Variants in CFAP77 observed in about 807,000 individuals in gnomAD.
CFAP77 encodes cilia and flagella associated protein 77.
Under a neutral mutation model 31.1 loss-of-function variants are expected in CFAP77, and 25 were observed. The observed-to-expected ratio is 0.80, with a 90% CI of 0.59 to 1.12. CFAP77 has a LOEUF of 1.12. Ranked by LOEUF, CFAP77 falls within the 50% of genes most tolerant of loss-of-function variation. The pLI, the probability that CFAP77 is intolerant of heterozygous loss-of-function variation, is 0.00. For missense variants in CFAP77, 377 were observed against 397.3 expected, an observed-to-expected ratio of 0.95 and a Z score of 0.44; for synonymous variants, 151 against 159.9, an observed-to-expected ratio of 0.94 and a Z score of 0.42.
rs953230404 is a variant in CFAP77 at position 132,517,554 on chromosome 9, C to G, written c.524+17954C>G. ...AGTTTGTCAGACCCAAGTCTCCCTT[C>G]TGAAACACCTTTCAACAAATGTGTA... is the stretch of plus-strand genomic sequence containing the variant. On this transcript the variant is annotated intron_variant, in intron 3 of 5. Transcript: ENST00000393216. This position sits in a 1 kb window ranked among gnomAD's most constrained non-coding sequence, Gnocchi z 4.7. 2.0e-5 allele frequency among the ~76,000 whole-genome samples: 3 copies of G among 152,366 alleles called. No homozygotes were observed. The highest frequency in any genetic ancestry group is 7.2e-5 in the African/African-American group (3 of 41,598).
chr9:132,427,583 C>G (rs887951461), intron 1 of CFAP77, among the ~76,000 whole-genome samples: 3 of 152,116 alleles, frequency 2.0e-5, no homozygotes, highest in Non-Finnish European at 4.4e-5. Flanking sequence ...CAACTGCACT[C>G]CAGCCTGAGC....
intron 3 of CFAP77, among the ~76,000 whole-genome samples, chr9:132,516,608 C>CACAT (rs1852151838): frequency 6.6e-6 from 1 of 151,902 alleles, no homozygotes; most frequent in African/African-American, 2.4e-5. Context: ...CACACACACA[C>CACAT]ACACACACAC....
chr9:132,524,837 A>G (rs965467586), intron 3 of CFAP77, among the ~76,000 whole-genome samples: 3 of 146,196 alleles, frequency 2.1e-5, no homozygotes, highest in African/African-American at 7.5e-5. Context: ...TTTAGTAGAG[A>G]CGGGGTTTCA....
chr9:132,450,313 G>A (rs1850804652), intron 1 of CFAP77, among the ~76,000 whole-genome samples: 1 of 152,056 alleles, frequency 6.6e-6, no homozygotes, highest in Admixed American at 6.5e-5. Flanking sequence ...CAGGGAAACA[G>A]GGAGAAGGAT....
At chr9:132,414,917 A>G (rs141557357) in intron 1 of CFAP77, among the ~76,000 whole-genome samples, 113 of 152,308 alleles carry the variant, frequency 7.4e-4, no homozygotes, top group African/African-American at 2.6e-3. Flanking sequence ...TAACATCTCT[A>G]ATAAATATTG....
At chr9:132,569,169 C>G (rs1348570851) in intron 5 of CFAP77, among the ~76,000 whole-genome samples, 1 of 152,088 alleles carries the variant, frequency 6.6e-6, no homozygotes, top group East Asian at 1.9e-4. Flanking sequence ...TTTGGGAGGC[C>G]AAGGGAGGAG....
chr9:132,454,731 C>A (rs908044077), intron 1 of CFAP77, among the ~76,000 whole-genome samples: 4 of 152,198 alleles, frequency 2.6e-5, no homozygotes, highest in Non-Finnish European at 5.9e-5. Flanking sequence ...AGAAGGCAGA[C>A]ATACCTATAA....
At chr9:132,474,059 G>A (rs943158363) in intron 1 of CFAP77, among the ~76,000 whole-genome samples, 4 of 152,158 alleles carry the variant, frequency 2.6e-5, no homozygotes, top group Non-Finnish European at 4.4e-5. Flanking sequence ...TCTATTTGCC[G>A]GCCCTAGAGA....
At chr9:132,411,523 C>A (rs1173075007) in intron 1 of CFAP77, among the ~76,000 whole-genome samples, 1 of 152,212 alleles carries the variant, frequency 6.6e-6, no homozygotes, top group Non-Finnish European at 1.5e-5. Context: ...TAGGCGCAGG[C>A]TGCACCTGGG....
Position 132,499,812 on chromosome 9 carries a change from G to A in CFAP77, c.524+212G>A, listed in dbSNP as rs370609332. ...TTATAGCAGGGTACCCTGTAGGGCT[G>A]TGCACAGGTCACCCACTTTCCCTTG... On this transcript the variant is annotated intron_variant, in intron 3 of 5. Transcript: ENST00000393216. The surrounding 1 kb of genome is among the most constrained non-coding windows in gnomAD (Gnocchi z 5.4). Among the ~76,000 whole-genome samples the A allele has an allele frequency of 1.3e-5, 2 of 152,142 alleles. No individual in the cohort carries two copies. Among genetic ancestry groups the A allele is most frequent in the Non-Finnish European group, 2.9e-5 (2 of 68,024 alleles).
chr9:132,511,982 A>T lies in CFAP77; in HGVS notation c.524+12382A>T, dbSNP rs1485734326. Among the ~76,000 whole-genome samples, 1 of 152,014 alleles carries T rather than the reference A, an allele frequency of 6.6e-6. No homozygotes were observed. Among genetic ancestry groups the T allele is most frequent in the African/African-American group, 2.4e-5 (1 of 41,400 alleles). ...GGCAGGAGAATCACTTGAACCTGGG[A>T]GGCAGAGGTTGCAGTGAGCCAAGAT... On this transcript the variant is annotated intron_variant, in intron 3 of 5. Transcript: ENST00000393216. This position sits in a 1 kb window ranked among gnomAD's most constrained non-coding sequence, Gnocchi z 5.8.
intron 5 of CFAP77, among the ~76,000 whole-genome samples, chr9:132,571,647 C>T (rs1048881916): frequency 6.6e-6 from 1 of 152,204 alleles, no homozygotes; most frequent in Non-Finnish European, 1.5e-5. Flanking sequence ...CCCTTTCCAC[C>T]CTGTGCCGCC....
At chr9:132,433,582 C>T (rs1850450349) in intron 1 of CFAP77, among the ~76,000 whole-genome samples, 1 of 150,454 alleles carries the variant, frequency 6.6e-6, no homozygotes, top group Non-Finnish European at 1.5e-5. Context: ...GAGTCTCACT[C>T]TGTCACCCAG....
chr9:132,436,760 G>A (rs773488014), intron 1 of CFAP77, among the ~76,000 whole-genome samples: 21 of 152,312 alleles, frequency 1.4e-4, no homozygotes, highest in Middle Eastern at 3.4e-3. Context: ...CTTCAAGTGA[G>A]ATTCCTGATG....
chr9:132,480,256 C>T lies in CFAP77; in HGVS notation c.196-18439C>T, dbSNP rs151084718. Among the ~76,000 whole-genome samples, 3 of 152,334 alleles carry T rather than the reference C, an allele frequency of 2.0e-5. No homozygotes were observed. The East Asian group carries it at 5.8e-4, about 29-fold the overall frequency. On this transcript the variant is annotated intron_variant, in intron 1 of 5. Coordinates refer to ENST00000393216, the MANE Select transcript of CFAP77 (RefSeq NM_001282957.2). This position sits in a 1 kb window ranked among gnomAD's most constrained non-coding sequence, Gnocchi z 5.8. ...TGGGAAACTGCTCAGCTCCCCTGCC[C>T]ACCCACCCTGCTCTGGGTCCAGAGA...
chr9:132,532,394 T>C (rs183953704), intron 3 of CFAP77, among the ~76,000 whole-genome samples: 220 of 152,270 alleles, frequency 1.4e-3, no homozygotes, highest in African/African-American at 5.0e-3. Flanking sequence ...GATAGGGCGA[T>C]AGGGCAGGGT....
rs200257577 is a variant in CFAP77 at position 132,537,609 on chromosome 9, C to T, written c.533C>T (p.Thr178Ile). The change falls in exon 4 of 6, where the codon ACA (threonine) becomes ATA (isoleucine). Residue 178 changes from threonine (T) to isoleucine (I), a missense_variant. Physicochemically the swap from Thr to Ile is moderately conservative, Grantham distance 89. Transcript: ENST00000393216. The stretch of plus-strand genomic sequence containing the variant: ...GGACTTCTTCCCTCCAGGCCTTCCA[C>T]ACCCTTCTTTGATCTGCTGCAGCAC... ...MTFGIRARPSTPFFDLLQHRY... is the reference protein window; with the variant it reads ...MTFGIRARPSIPFFDLLQHRY... 2.4e-5 allele frequency: 39 copies of T among 1,611,718 alleles called. No individual in the cohort carries two copies. Among genetic ancestry groups the T allele is most frequent in the Middle Eastern group, 3.3e-4 (2 of 5,986 alleles).
intron 1 of CFAP77, among the ~76,000 whole-genome samples, chr9:132,464,095 C>A (rs781271169): frequency 5.9e-5 from 9 of 152,228 alleles, no homozygotes; most frequent in African/African-American, 9.7e-5. Flanking sequence ...AAAGCAGTTT[C>A]TTAGTGACTG....
chr9:132,433,574 G>A (rs986852390), intron 1 of CFAP77, among the ~76,000 whole-genome samples: 9 of 149,240 alleles, frequency 6.0e-5, no homozygotes, highest in African/African-American at 2.2e-4. Flanking sequence ...TTGAGTCAGA[G>A]TCTCACTCTG....
Sources: gnomAD v4.1 joint callset for allele counts (sites outside exome capture counted in the v4.1 genomes callset) on GRCh38, gnomAD v4.1.1 for gene constraint, Gnocchi (gnomAD v3.1) non-coding constraint, MANE v1.5 for transcripts, NCBI Gene and HGNC (gene_info 2026-07-23, HGNC 2026-07-21) for gene names.